The following MDN1 variants were observed in gnomAD, a reference collection of about 807,000 sequenced individuals.
MDN1 encodes the protein midasin.
MDN1 carries 266 observed loss-of-function variants against 669.2 expected under a neutral mutation model. That is an observed-to-expected ratio of 0.40 (90% CI 0.36 to 0.44). MDN1 has a LOEUF of 0.44. Ranked by LOEUF, MDN1 falls within the 20% of genes least tolerant of loss-of-function variation. The pLI, the probability that MDN1 is intolerant of heterozygous loss-of-function variation, is 1.00. For synonymous variants in MDN1, 2,385 were observed against 2,457.1 expected, an observed-to-expected ratio of 0.97 and a Z score of 0.87; for missense variants, 5,940 against 6,754.0, an observed-to-expected ratio of 0.88 and a Z score of 4.22.
chr6:89,661,977 G>C, intron 87 of MDN1, 110 bp downstream of exon 87: 1 of 1,218,558 alleles, frequency 8.2e-7, no homozygotes, highest in Non-Finnish European at 1.1e-6. Flanking sequence ...GGTAATGGGA[G>C]AGCAGTCGAC....
At position 89,758,424 on chromosome 6, in the gene MDN1, GCCTGATGCTGGCTGCTCACACCAT is replaced by G. The variant is rs1817365406; in HGVS notation, c.2606-97_2606-74del. ...TTCCACAGAACCCCAGGCCCAGCCAGCCTGATGCTGGCTGCTCACACCATCCTTGTCTTTTCTGAAACCCCACTG... is the reference window on the plus strand; with the variant it reads ...TTCCACAGAACCCCAGGCCCAGCCAGCCTTGTCTTTTCTGAAACCCCACTG... On this transcript the variant is annotated intron_variant, in intron 18 of 101. Coordinates refer to ENST00000369393, the MANE Select transcript of MDN1 (RefSeq NM_014611.3). 8 of 1,249,750 alleles carry G rather than the reference GCCTGATGCTGGCTGCTCACACCAT, an allele frequency of 6.4e-6. No individual in the cohort carries two copies. The Admixed American group carries it at 1.6e-4, about 26-fold the overall frequency. The allele number at this position is 1,249,750 out of a possible 1,614,324, so 77.4% of individuals were successfully genotyped here.
chr6:89,689,082 C>T lies in MDN1; in HGVS notation c.11024-274G>A, dbSNP rs147878762. On this transcript the variant is annotated intron_variant, in intron 65 of 101. Coordinates refer to ENST00000369393, the MANE Select transcript of MDN1 (RefSeq NM_014611.3). ...TTGCGGGCCTGAGGCACAAGAATTG[C>T]TTGAACCTGGGAGGCAGAGATTGCA... Among the ~76,000 whole-genome samples, 462 of 152,326 alleles carry T rather than the reference C, an allele frequency of 3.0e-3. 1 individual carries two copies. Among genetic ancestry groups the T allele is most frequent in the Admixed American group, 6.3e-3 (97 of 15,302 alleles).
In MDN1 at chr6:89,696,449, T is replaced by G; in HGVS notation, c.9294A>C (p.Leu3098=). Reference sequence around the variant, plus strand: ...GCTGAGTTCTCTCAACCCACTCTCCTAGGGTCACGTGAGAGGAGGAAAGAA... The same window carrying G: ...GCTGAGTTCTCTCAACCCACTCTCCGAGGGTCACGTGAGAGGAGGAAAGAA... ...LPILSSSHVT[L]GEWVERTQQL... The change falls in exon 60 of 102, where the codon CTA becomes CTC. Residue 3098 remains leucine (L), a synonymous_variant. Transcript: ENST00000369393. 7 of 1,614,072 alleles carry G rather than the reference T, an allele frequency of 4.3e-6. No homozygotes were observed. Among genetic ancestry groups the G allele is most frequent in the Non-Finnish European group, 5.9e-6 (7 of 1,179,992 alleles).
intron 37 of MDN1, 60 bp from the exon 38 acceptor site, chr6:89,725,456 G>A: frequency 3.6e-6 from 5 of 1,381,478 alleles, no homozygotes. Flanking sequence ...GCAACAAAAA[G>A]CAGGGGAATA....
At chr6:89,707,645 T>TA (rs777712276) in intron 51 of MDN1, among the ~76,000 whole-genome samples, 169 bp from the exon 52 acceptor site, 4 of 152,152 alleles carry the variant, frequency 2.6e-5, no homozygotes, top group Non-Finnish European at 4.4e-5. Flanking sequence ...TGACAACTAC[T>TA]AAGGTGAAAG....
intron 85 of MDN1, among the ~76,000 whole-genome samples, chr6:89,664,269 A>C (rs1232406414): frequency 6.6e-6 from 1 of 152,210 alleles, no homozygotes; most frequent in African/African-American, 2.4e-5. Flanking sequence ...AGGCAGCTAA[A>C]ACATCAATGT....
At chr6:89,779,393 C>G (rs779839970) in intron 11 of MDN1, among the ~76,000 whole-genome samples, 4 of 152,162 alleles carry the variant, frequency 2.6e-5, no homozygotes, top group Non-Finnish European at 5.9e-5. Context: ...CATACATGCT[C>G]CCATCATAGA....
At position 89,658,592 on chromosome 6, in the gene MDN1, C is replaced by T. The variant is rs781256479; in HGVS notation, c.15021+18G>A. ...TCCTCATTATTTTTAACATAAAAAG[C>T]CAGACATCTCATGATACCTGGGGCT... On this transcript the variant is annotated intron_variant, in intron 89 of 101. Coordinates refer to ENST00000369393, the MANE Select transcript of MDN1 (RefSeq NM_014611.3). 8.8e-6 allele frequency: 14 copies of T among 1,589,434 alleles called. No individual in the cohort carries two copies. Among genetic ancestry groups the T allele is most frequent in the Admixed American group, 5.3e-5 (3 of 56,640 alleles).
intron 33 of MDN1, 120 bp from the exon 34 acceptor site, chr6:89,732,895 G>T: frequency 1.3e-6 from 1 of 749,508 alleles, no homozygotes; most frequent in Non-Finnish European, 2.2e-6. Context: ...GCAAAGTTCT[G>T]TGAATGAATG....
intron 7 of MDN1, among the ~76,000 whole-genome samples, 164 bp downstream of exon 7, chr6:89,789,616 G>A (rs1045148899): frequency 2.0e-5 from 3 of 152,152 alleles, no homozygotes; most frequent in Admixed American, 1.3e-4. Flanking sequence ...AAGTAATTCA[G>A]GACCGCAAAT....
In MDN1 at chr6:89,701,985, G is replaced by A. The variant is rs774826637; in HGVS notation, c.8225C>T (p.Ala2742Val). 3 of 1,613,870 alleles carry A rather than the reference G, an allele frequency of 1.9e-6. No individual in the cohort carries two copies. ...DTVKVDAPGLALLALHWHWVL... is the reference protein window; with the variant it reads ...DTVKVDAPGLVLLALHWHWVL... The stretch of plus-strand genomic sequence containing the variant: ...CCAGTGCCAATGGAGGGCAAGAAGG[G>A]CCAGACCTGGGGCATCTACTTTTAC... Residue 2742 changes from alanine to valine, a missense_variant, in exon 54 of 102, where the codon GCC (alanine) becomes GTC (valine). By Grantham distance (64) the Ala-to-Val change is moderately conservative (BLOSUM62 0). This residue lies in a region of MDN1 where 2,292 missense variants were observed against 2,638.3 expected (regional missense o/e 0.87). Coordinates refer to ENST00000369393, the MANE Select transcript of MDN1 (RefSeq NM_014611.3).
intron 29 of MDN1, 91 bp downstream of exon 29, chr6:89,745,182 G>A (rs1816539978): frequency 9.5e-6 from 13 of 1,364,864 alleles, no homozygotes; most frequent in East Asian, 2.6e-5. Flanking sequence ...AAGAAGGGGG[G>A]ATTAATACTT....
chr6:89,750,623 C>T, intron 23 of MDN1, 91 bp from the exon 24 acceptor site: 1 of 1,279,648 alleles, frequency 7.8e-7, no homozygotes, highest in Non-Finnish European at 1.1e-6. Flanking sequence ...TTTTGTTTGA[C>T]AAAGGGTTTC....
chr6:89,662,284 G>A (rs1413439336), intron 86 of MDN1, 45 bp from the exon 87 acceptor site: 5 of 1,579,612 alleles, frequency 3.2e-6, no homozygotes, highest in South Asian at 1.2e-5. Flanking sequence ...CTCAATCCAA[G>A]AAACTGCTTC....
At chr6:89,795,159 A>G (rs924467641) in intron 2 of MDN1, among the ~76,000 whole-genome samples, 1 of 152,216 alleles carries the variant, frequency 6.6e-6, no homozygotes, top group African/African-American at 2.4e-5. Context: ...GGGGGTACTT[A>G]ATGTAAGTGT....
rs773783436 is a variant in MDN1, at chr6:89,747,441, A to G, written c.3792T>C (p.Ala1264=). The change falls in exon 27 of 102, where the codon GCT becomes GCC. Residue 1264 remains alanine, a synonymous_variant. Transcript: ENST00000369393. Reference sequence around the variant, plus strand: ...GAAGGGTGATGAAGCCCTGCTTTCCAGCAAACACTGAAGAACTTCTGCGAT... The same window carrying G: ...GAAGGGTGATGAAGCCCTGCTTTCCGGCAAACACTGAAGAACTTCTGCGAT... ...QSYRRSSSVF[A]GKQGFITLRD... The G allele has an allele frequency of 5.6e-6, 9 of 1,613,930 alleles. No homozygotes were observed. The East Asian group carries it at 1.8e-4, about 32-fold the overall frequency.
chr6:89,783,711 C>T (rs1340650679), intron 9 of MDN1, among the ~76,000 whole-genome samples: 2 of 152,150 alleles, frequency 1.3e-5, no homozygotes, highest in East Asian at 1.9e-4. Flanking sequence ...GCATCACGGT[C>T]CTACCAATAT....
In MDN1 at chr6:89,787,882, G is replaced by C. The variant is rs746994329; in HGVS notation, c.1306C>G (p.Pro436Ala). ...CTGGTTGCAAAAAACTGAAATCCAG[G>C]TGCCACTTTCAGACAGTCACCTCGG... ...PGRGDCLKVA[P>A]GFQFFATRRL... Residue 436 changes from proline to alanine, a missense_variant, in exon 8 of 102, where the codon CCT becomes GCT. By Grantham distance (27) the Pro-to-Ala change is conservative. Coordinates refer to ENST00000369393, the MANE Select transcript of MDN1 (RefSeq NM_014611.3). 1 of 1,613,454 alleles carries C rather than the reference G, an allele frequency of 6.2e-7. No homozygotes were observed.
chr6:89,664,232 C>G (rs1320342365), intron 85 of MDN1, among the ~76,000 whole-genome samples: 1 of 152,190 alleles, frequency 6.6e-6, no homozygotes, highest in Non-Finnish European at 1.5e-5. Flanking sequence ...TCAGGCTTCA[C>G]TACTGAGCCA....
Sources: allele counts gnomAD v4.1 joint callset (sites outside exome capture counted in the v4.1 genomes callset), GRCh38; gene constraint gnomAD v4.1.1; regional missense constraint gnomAD v4.1.1; transcripts MANE v1.5; gene names NCBI Gene and HGNC (gene_info 2026-07-23, HGNC 2026-07-21).